RBMS2: variants seen among roughly 807,000 people sequenced by gnomAD.
RBMS2 encodes the protein RNA-binding motif, single-stranded-interacting protein 2.
A neutral mutation model predicts 58.4 loss-of-function variants in RBMS2; 38 were observed. That is an observed-to-expected ratio of 0.65 (90% confidence interval 0.50 to 0.85). RBMS2 has a LOEUF of 0.85. RBMS2 is among the 40% of genes least tolerant of loss of function. The probability of loss-of-function intolerance (pLI) is 0.00; values close to 1 mark genes in which losing one functional copy is unlikely to be tolerated. For missense variants in RBMS2, 367 were observed against 503.7 expected, an observed-to-expected ratio of 0.73 and a Z score of 2.60; for synonymous variants, 151 against 180.7, an observed-to-expected ratio of 0.84 and a Z score of 1.32.
At chr12:56,521,808 A>G (rs939205073), upstream of RBMS2, 27 of 552,694 alleles carry the variant, frequency 4.9e-5, no homozygotes, top group Non-Finnish European at 8.5e-5. Flanking sequence ...TCTCTCAGTG[A>G]CGTAAAGGAG....
intron 13 of RBMS2, 28 bp downstream of exon 13, chr12:56,589,046 A>C (rs748446588): frequency 6.2e-7 from 1 of 1,613,752 alleles, no homozygotes. Flanking sequence ...GGGGGCAGGG[A>C]GGGCTGCACT....
rs201983389 is a variant in RBMS2 at position 56,571,679 on chromosome 12, C to A, written c.385-19C>A. On this transcript the variant is annotated intron_variant, in intron 4 of 13. Transcript: ENST00000262031. The stretch of plus-strand genomic sequence containing the variant: ...GGATAAGAGATGTGAGCCTCATTTT[C>A]TCACTGTTATTTCCACAGCAACAGG... 55 of 1,505,870 alleles carry A rather than the reference C, an allele frequency of 3.7e-5. No individual in the cohort carries two copies. The East Asian group carries it at 1.2e-3, about 33-fold the overall frequency. The allele number at this position is 1,505,870 out of a possible 1,614,324, so 93.3% of individuals were successfully genotyped here.
At chr12:56,532,568 T>TA (rs141041555) in intron 1 of RBMS2, among the ~76,000 whole-genome samples, 66,398 of 151,004 alleles carry the variant, frequency 0.44, 15,367 homozygotes, top group East Asian at 0.59. Context: ...ATAATTAAAT[T>TA]AAAAAAAAAC....
intron 1 of RBMS2, among the ~76,000 whole-genome samples, chr12:56,553,177 A>G (rs573221581): frequency 5.3e-5 from 8 of 151,834 alleles, no homozygotes; most frequent in East Asian, 1.9e-4. Flanking sequence ...TCGGCCTCCC[A>G]AAGTGCTGGG....
chr12:56,541,406 A>T (rs148018705), intron 1 of RBMS2, among the ~76,000 whole-genome samples: 1 of 152,140 alleles, frequency 6.6e-6, no homozygotes, highest in Non-Finnish European at 1.5e-5. Flanking sequence ...AGGATTTGCA[A>T]ACTGGTAGGG....
chr12:56,523,128 T>G (rs1361383721), intron 1 of RBMS2, among the ~76,000 whole-genome samples: 3 of 152,190 alleles, frequency 2.0e-5, no homozygotes, highest in Non-Finnish European at 4.4e-5. Context: ...CCAAAACACT[T>G]AATGTTGATT....
At chr12:56,540,327 A>T (rs1875834381) in intron 1 of RBMS2, among the ~76,000 whole-genome samples, 1 of 152,090 alleles carries the variant, frequency 6.6e-6, no homozygotes, top group Non-Finnish European at 1.5e-5. Context: ...TTTTACATGT[A>T]TGTATGTATG....
chr12:56,546,371 A>G (rs1009526102), intron 1 of RBMS2, among the ~76,000 whole-genome samples: 3 of 146,774 alleles, frequency 2.0e-5, no homozygotes, highest in African/African-American at 7.5e-5. Context: ...AATATATTGT[A>G]CATTATAATG....
rs149141440 is a variant in RBMS2, at chr12:56,537,659, T to C, written c.66+15570T>C. On this transcript the variant is annotated intron_variant, in intron 1 of 13. Coordinates refer to ENST00000262031, the MANE Select transcript of RBMS2 (RefSeq NM_002898.4). ...TGAATAATGTTGCTATGAACTTGAG[T>C]GTACAAATACATTCAAGTGTCCCTT... Among the ~76,000 whole-genome samples, 319 of 152,362 alleles carry C rather than the reference T, an allele frequency of 2.1e-3. 1 individual carries two copies. The highest frequency in any genetic ancestry group is 7.4e-3 in the African/African-American group (306 of 41,586).
intron 1 of RBMS2, among the ~76,000 whole-genome samples, chr12:56,533,310 C>T (rs966220420): frequency 6.6e-6 from 1 of 151,432 alleles, no homozygotes; most frequent in African/African-American, 2.4e-5. Context: ...CTATGTTGCC[C>T]AAGATGGTCT....
chr12:56,541,052 G>A (rs1875990570), intron 1 of RBMS2, among the ~76,000 whole-genome samples: 1 of 148,688 alleles, frequency 6.7e-6, no homozygotes, highest in South Asian at 2.2e-4. Flanking sequence ...AGCGAACCAT[G>A]ATTGTGCCAC....
At chr12:56,562,687 A>C in intron 2 of RBMS2, 104 bp downstream of exon 2, 1 of 1,272,610 alleles carries the variant, frequency 7.9e-7, no homozygotes, top group Admixed American at 1.9e-5. Flanking sequence ...TCCTGGGCTC[A>C]AGTGATCCTC....
chr12:56,522,015 A>C lies in RBMS2; in HGVS notation c.-9A>C. On this transcript the variant is annotated 5_prime_UTR_variant, in exon 1 of 14. Transcript: ENST00000262031. ...TCTCTCTCGCTCGTTCCCTAACATT[A>C]AAGAGAAAATGCTGCTATCCGTGAC... 6.5e-7 allele frequency: 1 copy of C among 1,540,792 alleles called. No individual in the cohort carries two copies. The highest frequency in any genetic ancestry group is 2.3e-5 in the East Asian group (1 of 43,764).
chr12:56,521,350 A>T (rs1041777924), upstream of RBMS2, among the ~76,000 whole-genome samples: 5 of 149,216 alleles, frequency 3.4e-5, no homozygotes, highest in East Asian at 8.1e-4. Flanking sequence ...GAATTGCGGA[A>T]GGTGGAGGTT....
chr12:56,591,005 C>T lies in RBMS2; in HGVS notation c.*1872C>T, dbSNP rs951297174. On this transcript the variant is annotated 3_prime_UTR_variant, in exon 14 of 14. Transcript: ENST00000262031. ...CTATGTCTTGGTCTTTAACTGTCCC[C>T]TTCTGCAAGATGTGACTCTATACAC... The T allele has an allele frequency of 1.3e-5, 2 of 152,196 alleles. No homozygotes were observed. The highest frequency in any genetic ancestry group is 2.9e-5 in the Non-Finnish European group (2 of 68,050). 9.4% of individuals were successfully genotyped at this position (152,196 alleles called of 1,614,324 possible). A position where few individuals can be genotyped will look rare whatever the true frequency, so the allele number is the denominator to read the frequency against.
At chr12:56,560,542 CTG>C (rs1400800741) in intron 1 of RBMS2, among the ~76,000 whole-genome samples, 1 of 152,096 alleles carries the variant, frequency 6.6e-6, no homozygotes, top group Non-Finnish European at 1.5e-5. Flanking sequence ...GCGTGAGCCA[CTG>C]CACCCTGCCT....
In RBMS2 at chr12:56,564,856, C is replaced by A. The variant is rs548058856; in HGVS notation, c.233+2273C>A. On this transcript the variant is annotated intron_variant, in intron 2 of 13. Transcript: ENST00000262031. ...GGGTGTGGTGGTGGGCACCTGTAGT[C>A]CCAGCTACTCAGGAGGCTGAGGCAG... 8.5e-5 allele frequency among the ~76,000 whole-genome samples: 13 copies of A among 152,214 alleles called. No individual in the cohort carries two copies. The South Asian group carries it at 2.7e-3, about 32-fold the overall frequency.
intron 1 of RBMS2, among the ~76,000 whole-genome samples, chr12:56,553,304 A>G (rs1878612867): frequency 6.6e-6 from 1 of 151,616 alleles, no homozygotes; most frequent in South Asian, 2.1e-4. Context: ...GCCATGCACC[A>G]TCATGCCTGG....
rs763766971 is a variant in RBMS2 at position 56,595,882 on chromosome 12, C to A, written c.*6749C>A. 1.3e-4 allele frequency: 17 copies of A among 131,254 alleles called. No homozygotes were observed. The highest frequency in any genetic ancestry group is 1.2e-3 in the Admixed American group (13 of 11,072). 8.1% of individuals were successfully genotyped at this position (131,254 alleles called of 1,614,324 possible). A position where few individuals can be genotyped will look rare whatever the true frequency, so the allele number is the denominator to read the frequency against. ...AGTCATACCTATCCCAACGCCGTCT[C>A]CCCCTCAGGTGTGTAGAAGGGAAGA... On this transcript the variant is annotated 3_prime_UTR_variant, in exon 14 of 14. Transcript: ENST00000262031.
Sources: gnomAD v4.1 joint callset for allele counts (sites outside exome capture counted in the v4.1 genomes callset) on GRCh38, gnomAD v4.1.1 for gene constraint, MANE v1.5 for transcripts, NCBI Gene and HGNC (gene_info 2026-07-23, HGNC 2026-07-21) for gene names.